The following SAMMSON variants were observed in gnomAD, a reference collection of about 807,000 sequenced individuals.
SAMMSON encodes long intergenic non-protein coding RNA 1212.
intron 4 of SAMMSON, among the ~76,000 whole-genome samples, chr3:70,147,250 G>T (rs1211147049): frequency 1.3e-5 from 2 of 151,970 alleles, no homozygotes; most frequent in African/African-American, 4.8e-5. Context: ...TTTCCTAATT[G>T]ATCTATAGAT....
intron 3 of SAMMSON, chr3:70,069,137 A>G (rs1339308244): frequency 6.6e-6 from 1 of 152,066 alleles, no homozygotes; most frequent in Non-Finnish European, 1.5e-5. Context: ...GGTTAGTTTC[A>G]CAAATTCAAT....
intron 4 of SAMMSON, chr3:70,072,303 G>A (rs1457140256): frequency 1.3e-5 from 2 of 151,850 alleles, no homozygotes; most frequent in Non-Finnish European, 2.9e-5. Context: ...GGACGTTCGG[G>A]ACGTTCTGTT....
intron 2 of SAMMSON, among the ~76,000 whole-genome samples, chr3:70,423,407 A>G (rs548896064): frequency 3.6e-4 from 55 of 152,270 alleles, no homozygotes; most frequent in Admixed American, 2.5e-3. Context: ...TTTTGATTCT[A>G]GAAATATTGC....
At chr3:70,422,983 TCA>T (rs558819618) in intron 2 of SAMMSON, among the ~76,000 whole-genome samples, 1 of 151,940 alleles carries the variant, frequency 6.6e-6, no homozygotes, top group Admixed American at 6.6e-5. Context: ...ATAATAAAAT[TCA>T]CAGAGTCACT....
At chr3:70,202,844 G>A (rs9836145) in intron 4 of SAMMSON, among the ~76,000 whole-genome samples, 13,866 of 152,104 alleles carry the variant, frequency 0.091, 1,350 homozygotes, top group African/African-American at 0.25. Context: ...CTAATTAGGA[G>A]GGAGAATCTC....
At chr3:70,068,650 A>G (rs769560212) in intron 3 of SAMMSON, 2 of 152,122 alleles carry the variant, frequency 1.3e-5, no homozygotes, top group Non-Finnish European at 2.9e-5. Flanking sequence ...GTTTAAAGAG[A>G]GAGCGAGGGA....
At chr3:70,191,781 G>A (rs1478162022) in intron 4 of SAMMSON, among the ~76,000 whole-genome samples, 1 of 151,138 alleles carries the variant, frequency 6.6e-6, no homozygotes, top group African/African-American at 2.4e-5. Flanking sequence ...GTGATTAAAA[G>A]CATGGGTTTT....
At chr3:70,003,310 G>A (rs2066913446) in intron 1 of SAMMSON, among the ~76,000 whole-genome samples, 1 of 151,740 alleles carries the variant, frequency 6.6e-6, no homozygotes, top group Admixed American at 6.6e-5. Context: ...CATTTAAATG[G>A]AGCATTTAGT....
chr3:70,199,454 G>C (rs781167760), intron 4 of SAMMSON, among the ~76,000 whole-genome samples: 8 of 152,070 alleles, frequency 5.3e-5, no homozygotes, highest in Non-Finnish European at 7.4e-5. Flanking sequence ...TTTTGCACTT[G>C]AGAATAGAGC....
At chr3:70,094,355 CA>C (rs2067316383) in intron 4 of SAMMSON, among the ~76,000 whole-genome samples, 1 of 152,156 alleles carries the variant, frequency 6.6e-6, no homozygotes, top group African/African-American at 2.4e-5. Flanking sequence ...GTAATGTTCT[CA>C]AAATGCAAAT....
intron 6 of SAMMSON, among the ~76,000 whole-genome samples, chr3:70,257,661 A>C (rs547409101): frequency 6.6e-6 from 1 of 152,240 alleles, no homozygotes; most frequent in Admixed American, 6.5e-5. Flanking sequence ...GAAGTTAAAG[A>C]CTACCTAAAT....
intron 4 of SAMMSON, among the ~76,000 whole-genome samples, chr3:70,197,389 C>T (rs1701193000): frequency 6.6e-6 from 1 of 152,198 alleles, no homozygotes; most frequent in South Asian, 2.1e-4. Flanking sequence ...TTATTAACTT[C>T]CTGAGCATTT....
At chr3:70,087,419 C>T (rs1386811799) in intron 4 of SAMMSON, among the ~76,000 whole-genome samples, 1 of 152,164 alleles carries the variant, frequency 6.6e-6, no homozygotes, top group Admixed American at 6.5e-5. Context: ...TTAGGGGTCT[C>T]AGCCTGAGAC....
intron 7 of SAMMSON, among the ~76,000 whole-genome samples, chr3:70,321,734 A>G (rs956604842): frequency 7.2e-5 from 11 of 152,014 alleles, no homozygotes; most frequent in African/African-American, 2.2e-4. Context: ...ACTAGCTGAC[A>G]TCCAGATAGA....
intron 4 of SAMMSON, among the ~76,000 whole-genome samples, chr3:70,237,998 T>TTTTTTA: frequency 7.1e-6 from 1 of 140,496 alleles, no homozygotes; most frequent in Non-Finnish European, 1.5e-5. Context: ...TTTTTTTTTT[T>TTTTTTA]TTTTTTTGCC....
chr3:70,336,307 G>A (rs1266073014), intron 7 of SAMMSON, among the ~76,000 whole-genome samples: 2 of 151,914 alleles, frequency 1.3e-5, no homozygotes, highest in Non-Finnish European at 2.9e-5. Flanking sequence ...TGATTTGAGG[G>A]CATTATATAA....
At chr3:70,277,583 T>C (rs1410208137) in intron 6 of SAMMSON, among the ~76,000 whole-genome samples, 1 of 152,218 alleles carries the variant, frequency 6.6e-6, no homozygotes, top group Non-Finnish European at 1.5e-5. Context: ...ATTGGCCTAA[T>C]GCAAGCAATA....
At chr3:70,391,066 G>C (rs1389561084), downstream of SAMMSON, among the ~76,000 whole-genome samples, 4 of 152,248 alleles carry the variant, frequency 2.6e-5, no homozygotes, top group East Asian at 7.7e-4. Context: ...AGAGTGACTA[G>C]TGGTAATTTA....
At chr3:70,136,100 G>C (rs1177365003) in intron 4 of SAMMSON, among the ~76,000 whole-genome samples, 1 of 152,156 alleles carries the variant, frequency 6.6e-6, no homozygotes, top group Non-Finnish European at 1.5e-5. Flanking sequence ...TTAATTGTTA[G>C]ATTTAAGGCC....
Sources: gnomAD v4.1 joint callset for allele counts (sites outside exome capture counted in the v4.1 genomes callset) on GRCh38, gnomAD v4.1.1 for gene constraint, MANE v1.5 for transcripts, NCBI Gene and HGNC (gene_info 2026-07-23, HGNC 2026-07-21) for gene names.